SPTBN4: variants seen among roughly 807,000 people sequenced by gnomAD.
SPTBN4 encodes spectrin beta, non-erythrocytic 4.
SPTBN4 carries 96 observed loss-of-function variants against 277.8 expected under a neutral mutation model. The ratio of observed to expected loss-of-function variants is 0.35; its 90% CI spans 0.29 to 0.41. The LOEUF (loss-of-function observed/expected upper bound fraction) is 0.41, where lower values mean the gene tolerates loss of function less well. Among genes scored for constraint, SPTBN4 ranks in the 10% least tolerant of loss-of-function variants. The pLI is 1.00. For synonymous variants in SPTBN4, 1,481 were observed against 1,580.3 expected (o/e 0.94, Z 1.49); for missense variants, 3,006 against 3,595.7 (o/e 0.84, Z 4.19).
chr19:40,503,804 GGTGAGT>G lies in SPTBN4; in HGVS notation c.1363-23_1363-18del. On this transcript the variant is annotated intron_variant, in intron 11 of 35. Coordinates refer to ENST00000598249, the MANE Select transcript of SPTBN4 (RefSeq NM_020971.3). ...ACAGGTGGACTGCTGAGGCAGCATG[GGTGAGT>G]GTCTGGCTCACTGCCCCAGGACAAC... The G allele has an allele frequency of 3.8e-6, 6 of 1,558,790 alleles. No individual in the cohort carries two copies. The highest frequency in any genetic ancestry group is 4.4e-6 in the Non-Finnish European group (5 of 1,148,332).
At chr19:40,530,293 G>A (rs1181625027) in intron 18 of SPTBN4, among the ~76,000 whole-genome samples, 1 of 152,116 alleles carries the variant, frequency 6.6e-6, no homozygotes, top group African/African-American at 2.4e-5. Flanking sequence ...TCCCTCATGA[G>A]ATTGTTCTGG....
chr19:40,519,344 C>A lies in SPTBN4; in HGVS notation c.2904-57C>A. Reference sequence around the variant, plus strand: ...GGATTCTACCCTGGGTCGGCGGGCCCTCCGCGCCCAAGAGGAGTCCCTGTC... The same window carrying A: ...GGATTCTACCCTGGGTCGGCGGGCCATCCGCGCCCAAGAGGAGTCCCTGTC... On this transcript the variant is annotated intron_variant, in intron 15 of 35. Transcript: ENST00000598249. The surrounding 1 kb of genome is among the most constrained non-coding windows in gnomAD (Gnocchi z 5.7). 7.0e-7 allele frequency: 1 copy of A among 1,420,102 alleles called. No homozygotes were observed. Among genetic ancestry groups the A allele is most frequent in the East Asian group, 2.7e-5 (1 of 36,636 alleles). 88.0% of individuals were successfully genotyped at this position (1,420,102 alleles called of 1,614,324 possible).
chr19:40,478,564 G>A (rs2079974120), intron 2 of SPTBN4, among the ~76,000 whole-genome samples: 1 of 151,440 alleles, frequency 6.6e-6, no homozygotes, highest in Non-Finnish European at 1.5e-5. Context: ...TATTTTTTTT[G>A]AGACAGAGTC....
At position 40,489,228 on chromosome 19, in the gene SPTBN4, A is replaced by AAAAAAAG. The variant is rs781378644; in HGVS notation, c.322-844_322-843insAAAGAAA. Among the ~76,000 whole-genome samples the AAAAAAAG allele has an allele frequency of 7.8e-5, 11 of 141,682 alleles. No individual in the cohort carries two copies. The East Asian group carries it at 1.4e-3, about 18-fold the overall frequency. The allele number at this position is 141,682 out of a possible 152,430, so 92.9% of individuals were successfully genotyped here. A position where few individuals can be genotyped will look rare whatever the true frequency, so the allele number is the denominator to read the frequency against. On this transcript the variant is annotated intron_variant, in intron 3 of 35. Coordinates refer to ENST00000598249, the MANE Select transcript of SPTBN4 (RefSeq NM_020971.3). ...CAACAACAAAAGCCAAAAAAAAAAA[A>AAAAAAAG]AAAGAAAGAAAAAAAAGAATAGATA...
intron 19 of SPTBN4, among the ~76,000 whole-genome samples, chr19:40,533,296 C>A (rs779516911): frequency 7.2e-5 from 11 of 152,252 alleles, no homozygotes; most frequent in South Asian, 2.1e-4. Flanking sequence ...GGGCTCTGTG[C>A]ACATAAAGTA....
chr19:40,513,812 C>G (rs45574041), intron 14 of SPTBN4, among the ~76,000 whole-genome samples: 4 of 151,966 alleles, frequency 2.6e-5, no homozygotes, highest in African/African-American at 7.3e-5. Flanking sequence ...ATGCAGAATA[C>G]GAAGCAAATG....
At chr19:40,565,125 C>T (rs540707137) in intron 27 of SPTBN4, among the ~76,000 whole-genome samples, 27 of 149,994 alleles carry the variant, frequency 1.8e-4, no homozygotes, top group Admixed American at 1.3e-3. Context: ...ATTATCTGGG[C>T]GTGGTGGCAG....
At chr19:40,480,876 A>G (rs191833669) in intron 2 of SPTBN4, among the ~76,000 whole-genome samples, 1 of 152,242 alleles carries the variant, frequency 6.6e-6, no homozygotes, top group Admixed American at 6.5e-5. Flanking sequence ...CAGCCTGGGC[A>G]ATACAGTGAG....
intron 6 of SPTBN4, among the ~76,000 whole-genome samples, chr19:40,495,564 C>G (rs901561853): frequency 6.6e-6 from 1 of 152,088 alleles, no homozygotes; most frequent in Non-Finnish European, 1.5e-5. Flanking sequence ...AGGAGAATCG[C>G]TTGAACCCAG....
At chr19:40,499,630 C>G (rs1272778447) in intron 7 of SPTBN4, among the ~76,000 whole-genome samples, 16 of 151,720 alleles carry the variant, frequency 1.1e-4, no homozygotes, top group Admixed American at 1.1e-3. Context: ...CTACTGGACT[C>G]AAGCGATCCT....
At position 40,502,809 on chromosome 19, in the gene SPTBN4, G is replaced by A. The variant is rs151234878; in HGVS notation, c.1238G>A (p.Arg413Gln). 52 of 1,613,962 alleles carry A rather than the reference G, an allele frequency of 3.2e-5. No individual in the cohort carries two copies. The East Asian group carries it at 5.6e-4, about 17-fold the overall frequency. ...GAGCTGGAGAAGGCTGAGCATGAGC[G>A]GGAGGCTGCCCTACGGGCTGAGCTG... ...WGELEKAEHEREAALRAELIR... is the reference protein window; with the variant it reads ...WGELEKAEHEQEAALRAELIR... Residue 413 changes from arginine to glutamine, a missense_variant, in exon 11 of 36, where the codon CGG becomes CAG. Physicochemically the swap from Arg to Gln is conservative, Grantham distance 43. Transcript: ENST00000598249. The surrounding 1 kb of genome is among the most constrained non-coding windows in gnomAD (Gnocchi z 4.9).
At chr19:40,523,970 T>G (rs2080559640) in intron 17 of SPTBN4, among the ~76,000 whole-genome samples, 1 of 152,084 alleles carries the variant, frequency 6.6e-6, no homozygotes, top group Non-Finnish European at 1.5e-5. Context: ...CGCTGGCTAA[T>G]TTTTGTATTT....
At position 40,512,993 on chromosome 19, in the gene SPTBN4, G is replaced by A; in HGVS notation, c.2204G>A (p.Gly735Glu). The A allele has an allele frequency of 2.8e-6, 4 of 1,431,038 alleles. No individual in the cohort carries two copies. Among genetic ancestry groups the A allele is most frequent in the African/African-American group, 3.0e-5 (2 of 66,648 alleles). The allele number at this position is 1,431,038 out of a possible 1,614,324, so 88.6% of individuals were successfully genotyped here. Reference protein sequence around the residue: ...LVAAGGAVGPGADTVHLVGLA... With the variant: ...LVAAGGAVGPEADTVHLVGLA... ...GCGGCCGGCGGTGCCGTCGGCCCGG[G>A]AGCAGACACCGTGCACCTGGTAGGC... The change falls in exon 14 of 36, where the codon GGA becomes GAA. Residue 735 changes from glycine to glutamate, a missense_variant. Coordinates refer to ENST00000598249, the MANE Select transcript of SPTBN4 (RefSeq NM_020971.3).
rs1335560846 is a variant in SPTBN4, at chr19:40,567,835, C to T, written c.6509C>T (p.Ala2170Val). The T allele has an allele frequency of 2.0e-6, 3 of 1,522,582 alleles. No homozygotes were observed. Among genetic ancestry groups the T allele is most frequent in the Non-Finnish European group, 2.6e-6 (3 of 1,134,438 alleles). 94.3% of individuals were successfully genotyped at this position (1,522,582 alleles called of 1,614,324 possible). A position where few individuals can be genotyped will look rare whatever the true frequency, so the allele number is the denominator to read the frequency against. Reference sequence around the variant, plus strand: ...CGCCGAGCCTCGGACACGCTCTCGGCCGAGGTGCGGACTCGGGTGGGGTAT... The same window carrying T: ...CGCCGAGCCTCGGACACGCTCTCGGTCGAGGTGCGGACTCGGGTGGGGTAT... ...LARRASDTLSAEVRTRVGYVR... is the reference protein window; with the variant it reads ...LARRASDTLSVEVRTRVGYVR... Residue 2170 changes from alanine to valine, a missense_variant, in exon 31 of 36, where the codon GCC becomes GTC. Coordinates refer to ENST00000598249, the MANE Select transcript of SPTBN4 (RefSeq NM_020971.3).
chr19:40,567,244 G>C (rs1265245885), intron 30 of SPTBN4: 2 of 353,296 alleles, frequency 5.7e-6, no homozygotes, highest in Non-Finnish European at 1.2e-5. Context: ...GCTGCAATGA[G>C]CTATGATCTT....
At chr19:40,532,214 C>CT (rs1330142688) in intron 18 of SPTBN4, among the ~76,000 whole-genome samples, 1 of 150,290 alleles carries the variant, frequency 6.7e-6, no homozygotes, top group African/African-American at 2.5e-5. Flanking sequence ...AATGAAGTGT[C>CT]TAAGTGTTGC....
chr19:40,536,764 G>A (rs777029852), intron 20 of SPTBN4, among the ~76,000 whole-genome samples: 4 of 152,120 alleles, frequency 2.6e-5, no homozygotes, highest in South Asian at 2.1e-4. Flanking sequence ...CCTGGGTAAC[G>A]GAGCAACAGC....
rs756142661 is a variant in SPTBN4, at chr19:40,486,287, G to A, written c.170-1410G>A. Among the ~76,000 whole-genome samples, 28 of 152,044 alleles carry A rather than the reference G, an allele frequency of 1.8e-4. 1 individual carries two copies. The South Asian group carries it at 1.9e-3, about 10-fold the overall frequency. ...GCCTGGGCAACGTAGTGAGACCCCCGTCTCAAGGGAAAAAAAAGGAGGGGT... is the reference window on the plus strand; with the variant it reads ...GCCTGGGCAACGTAGTGAGACCCCCATCTCAAGGGAAAAAAAAGGAGGGGT... On this transcript the variant is annotated intron_variant, in intron 2 of 35. Coordinates refer to ENST00000598249, the MANE Select transcript of SPTBN4 (RefSeq NM_020971.3).
chr19:40,529,385 G>A (rs1238277885), intron 18 of SPTBN4, among the ~76,000 whole-genome samples: 2 of 152,216 alleles, frequency 1.3e-5, no homozygotes, highest in African/African-American at 4.8e-5. Context: ...CGCGCCTACG[G>A]GTCCCGCGGG....
Sources: gnomAD v4.1 joint callset for allele counts (sites outside exome capture counted in the v4.1 genomes callset) on GRCh38, gnomAD v4.1.1 for gene constraint, Gnocchi (gnomAD v3.1) non-coding constraint, MANE v1.5 for transcripts, NCBI Gene and HGNC (gene_info 2026-07-23, HGNC 2026-07-21) for gene names.